CCDC191: variants seen among roughly 807,000 people sequenced by gnomAD.
The protein encoded by CCDC191 is coiled-coil domain-containing protein 191.
A neutral mutation model predicts 114.0 loss-of-function variants in CCDC191; 99 were observed. The observed-to-expected ratio is 0.87, with a 90% confidence interval of 0.74 to 1.03. The LOEUF (loss-of-function observed/expected upper bound fraction) is 1.03. CCDC191 is among the 50% of genes least tolerant of loss of function. The pLI is 0.00. For missense variants in CCDC191, 973 were observed against 1,087.0 expected, an observed-to-expected ratio of 0.90 and a Z score of 1.47; for synonymous variants, 351 against 376.0, an observed-to-expected ratio of 0.93 and a Z score of 0.77.
intron 13 of CCDC191, among the ~76,000 whole-genome samples, chr3:113,990,738 G>A (rs1168045833): frequency 6.6e-6 from 1 of 151,358 alleles, no homozygotes; most frequent in East Asian, 1.9e-4. Context: ...ATAAAAAAGG[G>A]TATACTTCCC....
At chr3:113,988,865 C>T (rs2075461369) in intron 13 of CCDC191, among the ~76,000 whole-genome samples, 1 of 151,960 alleles carries the variant, frequency 6.6e-6, no homozygotes, top group African/African-American at 2.4e-5. Context: ...TCAATCTCGG[C>T]TCACTGCAAG....
intron 13 of CCDC191, among the ~76,000 whole-genome samples, chr3:113,994,784 T>C (rs1253021198): frequency 6.6e-6 from 1 of 152,080 alleles, no homozygotes; most frequent in Non-Finnish European, 1.5e-5. Context: ...GGTCTCACTA[T>C]GTTGCCCAGG....
intron 2 of CCDC191, among the ~76,000 whole-genome samples, chr3:114,051,746 G>A (rs1184267966): frequency 6.6e-6 from 1 of 152,088 alleles, no homozygotes; most frequent in Middle Eastern, 3.2e-3. Flanking sequence ...TTTTGAAAGG[G>A]TGGTCCACTC....
chr3:114,010,958 C>T lies in CCDC191; in HGVS notation c.1227G>A (p.Trp409Ter). Residue 409 changes from tryptophan (W) to a stop codon, truncating the protein, a stop_gained, in exon 9 of 17, where the codon TGG becomes TGA. Transcript: ENST00000295878. LOFTEE classifies it high-confidence loss of function. ...KQVLRHCFTE[W>*]QHWHGAELLK... ...GGAGCTCGGCGCCATGCCAATGCTG[C>T]CATTCTGTAAAGCAGTGTCGGAGAA... 6.2e-7 allele frequency: 1 copy of T among 1,614,054 alleles called. No individual in the cohort carries two copies. The highest frequency in any genetic ancestry group is 8.5e-7 in the Non-Finnish European group (1 of 1,179,936).
intron 16 of CCDC191, among the ~76,000 whole-genome samples, chr3:113,977,416 A>G (rs1941450211): frequency 1.3e-5 from 2 of 152,242 alleles, no homozygotes; most frequent in Non-Finnish European, 2.9e-5. Context: ...AGGGAAGTGC[A>G]TAATGAAATT....
chr3:114,050,728 G>A (rs1283913137), intron 2 of CCDC191, among the ~76,000 whole-genome samples: 1 of 152,196 alleles, frequency 6.6e-6, no homozygotes, highest in African/African-American at 2.4e-5. Flanking sequence ...ATTATAGGTT[G>A]ACTGCTAGAG....
intron 13 of CCDC191, among the ~76,000 whole-genome samples, chr3:113,982,403 T>G (rs1260523267): frequency 6.6e-6 from 1 of 152,198 alleles, no homozygotes; most frequent in Non-Finnish European, 1.5e-5. Context: ...TTCAATTTCC[T>G]GGTTTATAAA....
At chr3:113,980,612 C>A in intron 14 of CCDC191, 38 bp downstream of exon 14, 1 of 1,521,392 alleles carries the variant, frequency 6.6e-7, no homozygotes. Context: ...TGGAAAAGTC[C>A]ATTTTCTAAT....
intron 8 of CCDC191, among the ~76,000 whole-genome samples, chr3:114,012,311 T>C (rs570567682): frequency 1.2e-4 from 18 of 152,316 alleles, no homozygotes; most frequent in African/African-American, 4.1e-4. Flanking sequence ...ATCTATTCTA[T>C]ATTTCTTTTA....
chr3:114,044,801 T>A (rs950595707), intron 3 of CCDC191, among the ~76,000 whole-genome samples: 1 of 152,120 alleles, frequency 6.6e-6, no homozygotes, highest in African/African-American at 2.4e-5. Flanking sequence ...AAATAAAACT[T>A]CCCTTGGAGG....
rs200734292 is a variant in CCDC191 at position 114,056,015 on chromosome 3, C to CAA, written c.90+360_90+361dup. Among the ~76,000 whole-genome samples, 716 of 116,540 alleles carry CAA rather than the reference C, an allele frequency of 6.1e-3. 7 individuals are homozygous for CAA. Among genetic ancestry groups the CAA allele is most frequent in the African/African-American group, 0.02 (622 of 31,790 alleles). 76.5% of individuals were successfully genotyped at this position (116,540 alleles called of 152,430 possible). ...TAAAGATCAATTACCCCAAGATTTG[C>CAA]AAAAAAAAAAAAAGAGAGAGAAAAA... On this transcript the variant is annotated intron_variant, in intron 1 of 16. Transcript: ENST00000295878.
At chr3:113,969,538 A>G (rs1020822238) in intron 16 of CCDC191, among the ~76,000 whole-genome samples, 2 of 152,160 alleles carry the variant, frequency 1.3e-5, no homozygotes, top group Non-Finnish European at 2.9e-5. Flanking sequence ...TGGTGAGAGA[A>G]AGGGGTCTCA....
intron 13 of CCDC191, among the ~76,000 whole-genome samples, chr3:113,985,890 T>C (rs1312545382): frequency 6.6e-6 from 1 of 152,220 alleles, no homozygotes; most frequent in Non-Finnish European, 1.5e-5. Flanking sequence ...CAGTTTCTAT[T>C]GCCCTGAACA....
chr3:113,989,447 C>T (rs1214325984), intron 13 of CCDC191, among the ~76,000 whole-genome samples: 4 of 152,150 alleles, frequency 2.6e-5, no homozygotes, highest in Non-Finnish European at 2.9e-5. Context: ...ATGCAATGTA[C>T]ATTCTTGGAA....
At chr3:113,999,657 G>C (rs2075813366) in intron 13 of CCDC191, among the ~76,000 whole-genome samples, 1 of 152,102 alleles carries the variant, frequency 6.6e-6, no homozygotes, top group Admixed American at 6.5e-5. Context: ...ATATGGAGGG[G>C]TAGTGGAAGA....
intron 13 of CCDC191, among the ~76,000 whole-genome samples, chr3:113,983,005 C>T (rs1373512624): frequency 6.6e-6 from 1 of 152,092 alleles, no homozygotes; most frequent in African/African-American, 2.4e-5. Flanking sequence ...AGTTCCTCAC[C>T]TATTCTCTCC....
chr3:114,029,084 G>A (rs527520685), intron 7 of CCDC191, among the ~76,000 whole-genome samples: 13 of 152,040 alleles, frequency 8.6e-5, no homozygotes, highest in Admixed American at 7.2e-4. Flanking sequence ...TCCAAAGACC[G>A]TTTTTCCAAC....
chr3:114,018,647 T>C (rs748367015), intron 8 of CCDC191, 31 bp downstream of exon 8: 1 of 1,549,064 alleles, frequency 6.5e-7, no homozygotes, highest in East Asian at 2.3e-5. Flanking sequence ...TAGATAAACA[T>C]ACTAGATTTT....
At chr3:113,979,620 G>A (rs1489635220) in intron 14 of CCDC191, among the ~76,000 whole-genome samples, 1 of 152,178 alleles carries the variant, frequency 6.6e-6, no homozygotes, top group Non-Finnish European at 1.5e-5. Flanking sequence ...AGAGGCAAGA[G>A]GGGAAAAGCC....
Sources: allele counts gnomAD v4.1 joint callset (sites outside exome capture counted in the v4.1 genomes callset), GRCh38; gene constraint gnomAD v4.1.1; transcripts MANE v1.5; gene names NCBI Gene and HGNC (gene_info 2026-07-23, HGNC 2026-07-21).